The following C1QTNF3 variants were observed in gnomAD, a reference collection of about 807,000 sequenced individuals.
C1QTNF3 encodes complement C1q tumor necrosis factor-related protein 3.
A neutral mutation model predicts 32.6 loss-of-function variants in C1QTNF3; 26 were observed. The ratio of observed to expected loss-of-function variants is 0.80; its 90% confidence interval spans 0.58 to 1.11. C1QTNF3 has a LOEUF of 1.11. Among genes scored for constraint, C1QTNF3 ranks in the 50% least tolerant of loss-of-function variants. C1QTNF3 has a pLI of 0.00. For missense variants in C1QTNF3, 362 were observed against 398.2 expected (o/e 0.91, Z 0.77); for synonymous variants, 155 against 146.0 (o/e 1.06, Z -0.44).
chr5:34,205,589 T>C, the C1QTNF3 span, among the ~76,000 whole-genome samples: 71,284 of 151,574 alleles, frequency 0.47, 19,511 homozygotes, highest in African/African-American at 0.76. Flanking sequence ...TATGACTGTA[T>C]GTTTTCTGAG....
chr5:34,129,569 T>A, the C1QTNF3 span, among the ~76,000 whole-genome samples: 36 of 152,282 alleles, frequency 2.4e-4, 2 homozygotes, highest in East Asian at 6.9e-3. Context: ...CATAACTCTA[T>A]ACCCTATAAA....
At chr5:34,036,389 AT>A (rs1278201428) in intron 1 of C1QTNF3, among the ~76,000 whole-genome samples, 1 of 152,208 alleles carries the variant, frequency 6.6e-6, no homozygotes, top group Non-Finnish European at 1.5e-5. Flanking sequence ...TTATATATAT[AT>A]TTATCACGTA....
the C1QTNF3 span, among the ~76,000 whole-genome samples, chr5:34,085,678 A>G: frequency 6.6e-6 from 1 of 151,818 alleles, no homozygotes; most frequent in Non-Finnish European, 1.5e-5. Flanking sequence ...GCAAACAAAC[A>G]TATGAAAAAA....
At chr5:34,138,801 C>T in the C1QTNF3 span, among the ~76,000 whole-genome samples, 1 of 152,098 alleles carries the variant, frequency 6.6e-6, no homozygotes, top group Admixed American at 6.5e-5. Context: ...TTTTTGAGCA[C>T]TTCTTGTGTA....
chr5:34,176,958 C>G, the C1QTNF3 span, among the ~76,000 whole-genome samples: 1 of 152,048 alleles, frequency 6.6e-6, no homozygotes, highest in African/African-American at 2.4e-5. Flanking sequence ...TTTGGGAGGT[C>G]GAGGCAGGAG....
At chr5:34,195,889 G>C in the C1QTNF3 span, among the ~76,000 whole-genome samples, 8 of 152,384 alleles carry the variant, frequency 5.2e-5, no homozygotes, top group Non-Finnish European at 8.8e-5. Flanking sequence ...CCCAAGGTGA[G>C]GATACTGGGA....
At chr5:34,047,954 G>A (rs1339640064), upstream of C1QTNF3, among the ~76,000 whole-genome samples, 4 of 152,176 alleles carry the variant, frequency 2.6e-5, no homozygotes, top group African/African-American at 9.7e-5. Context: ...AAAGGAATAA[G>A]AGAGGAAGTT....
the C1QTNF3 span, among the ~76,000 whole-genome samples, chr5:34,098,783 A>AT: frequency 1.4e-4 from 22 of 152,066 alleles, no homozygotes; most frequent in East Asian, 1.9e-3. Flanking sequence ...GGTTTATGTA[A>AT]TATTCTCACT....
intron 3 of C1QTNF3, among the ~76,000 whole-genome samples, chr5:34,029,545 T>A (rs1318430806): frequency 6.6e-6 from 1 of 152,216 alleles, no homozygotes; most frequent in Admixed American, 6.5e-5. Context: ...AATACACTGT[T>A]TACCCAAAAA....
chr5:34,087,017 G>A, the C1QTNF3 span, among the ~76,000 whole-genome samples: 1 of 151,122 alleles, frequency 6.6e-6, no homozygotes, highest in Non-Finnish European at 1.5e-5. Context: ...TCAAAATTAA[G>A]TATGCACTGG....
At chr5:34,119,126 T>G in the C1QTNF3 span, among the ~76,000 whole-genome samples, 2 of 152,230 alleles carry the variant, frequency 1.3e-5, no homozygotes, top group Admixed American at 1.3e-4. Context: ...GCTCTTAATC[T>G]TCTACATTAA....
intron 2 of C1QTNF3, among the ~76,000 whole-genome samples, chr5:34,034,713 G>T (rs1417658902): frequency 1.3e-5 from 2 of 152,162 alleles, no homozygotes; most frequent in African/African-American, 4.8e-5. Context: ...CCTCACAAGA[G>T]TTAAGACCTG....
At chr5:34,023,256 C>A (rs777161245) in intron 5 of C1QTNF3, among the ~76,000 whole-genome samples, 9 of 152,170 alleles carry the variant, frequency 5.9e-5, no homozygotes, top group African/African-American at 2.2e-4. Flanking sequence ...TCCTACAACC[C>A]CTCATTCTTT....
chr5:34,030,770 A>G (rs1347615377), intron 3 of C1QTNF3, among the ~76,000 whole-genome samples: 3 of 152,208 alleles, frequency 2.0e-5, no homozygotes, highest in Non-Finnish European at 4.4e-5. Flanking sequence ...GAATGACATC[A>G]TGTCCCTTGC....
At chr5:34,051,587 T>C in the C1QTNF3 span, among the ~76,000 whole-genome samples, 17 of 152,308 alleles carry the variant, frequency 1.1e-4, no homozygotes, top group African/African-American at 3.8e-4. Context: ...AATAAGGCAA[T>C]TGTAAGGGAG....
chr5:34,164,699 G>T, the C1QTNF3 span: 1 of 151,676 alleles, frequency 6.6e-6, no homozygotes, highest in African/African-American at 2.4e-5. Flanking sequence ...AACACCACAT[G>T]GATAAAGAGA....
At chr5:34,135,433 T>C in the C1QTNF3 span, among the ~76,000 whole-genome samples, 1 of 152,132 alleles carries the variant, frequency 6.6e-6, no homozygotes, top group African/African-American at 2.4e-5. Context: ...GTTGGCCTCA[T>C]AAAATGAGCT....
the C1QTNF3 span, among the ~76,000 whole-genome samples, chr5:34,055,417 G>A: frequency 4.6e-5 from 7 of 152,272 alleles, no homozygotes; most frequent in African/African-American, 1.4e-4. Context: ...TATAGATACT[G>A]CACAACAAAC....
chr5:34,128,397 C>T, the C1QTNF3 span, among the ~76,000 whole-genome samples: 1 of 152,236 alleles, frequency 6.6e-6, no homozygotes, highest in Admixed American at 6.5e-5. Flanking sequence ...CACTGGGGCA[C>T]TGCCTAGTGG....
Sources: gnomAD v4.1 joint callset for allele counts (sites outside exome capture counted in the v4.1 genomes callset) on GRCh38, gnomAD v4.1.1 for gene constraint, MANE v1.5 for transcripts, NCBI Gene and HGNC (gene_info 2026-07-23, HGNC 2026-07-21) for gene names.